NPFFR1: variants seen among roughly 807,000 people sequenced by gnomAD.
NPFFR1 encodes the protein G-protein coupled receptor 147.
In NPFFR1, 17 loss-of-function variants were observed where a neutral mutation model predicts 12.7. The observed-to-expected ratio is 1.34, with a 90% CI of 0.92 to 2.01. NPFFR1 has a LOEUF of 2.01. NPFFR1 is among the 30% of genes most tolerant of loss of function. NPFFR1 has a pLI of 0.00. For missense variants in NPFFR1, 604 were observed against 606.5 expected (o/e 1.00, Z 0.04); for synonymous variants, 296 against 264.5 (o/e 1.12, Z -1.16).
chr10:70,254,617 C>A lies in NPFFR1; in HGVS notation c.*340G>T. The A allele has an allele frequency of 3.8e-6, 1 of 263,782 alleles. No homozygotes were observed. The highest frequency in any genetic ancestry group is 7.1e-6 in the Non-Finnish European group (1 of 140,604). 16.3% of individuals were successfully genotyped at this position (263,782 alleles called of 1,614,324 possible). A position where few individuals can be genotyped will look rare whatever the true frequency, so the allele number is the denominator to read the frequency against. On this transcript the variant is annotated 3_prime_UTR_variant, in exon 4 of 4. Coordinates refer to ENST00000277942, the MANE Select transcript of NPFFR1 (RefSeq NM_022146.5). ...AGATAGCTTCACATGCCATTTCCAC[C>A]TGAGAAACTTGGGTGAGTCACATCT...
intron 1 of NPFFR1, among the ~76,000 whole-genome samples, chr10:70,271,349 C>T (rs1840741195): frequency 6.6e-6 from 1 of 151,840 alleles, no homozygotes; most frequent in African/African-American, 2.4e-5. Context: ...CCTGTTTCTA[C>T]AAAAAATTAA....
chr10:70,255,913 C>T lies in NPFFR1; in HGVS notation c.423-86G>A. ...GGTGGGTGGGATGCGGGCACCTGAC[C>T]TTCATCATCGCATCTAGGGCGGCGT... On this transcript the variant is annotated intron_variant, in intron 3 of 3. Coordinates refer to ENST00000277942, the MANE Select transcript of NPFFR1 (RefSeq NM_022146.5). This position sits in a 1 kb window ranked among gnomAD's most constrained non-coding sequence, Gnocchi z 4.2. 7.1e-7 allele frequency: 1 copy of T among 1,417,120 alleles called. No homozygotes were observed. Among genetic ancestry groups the T allele is most frequent in the East Asian group, 2.5e-5 (1 of 40,224 alleles). 87.8% of individuals were successfully genotyped at this position (1,417,120 alleles called of 1,614,324 possible).
rs1840516453 is a variant in NPFFR1 at position 70,251,987 on chromosome 10, C to A, written c.*2970G>T. The A allele has an allele frequency of 6.6e-6, 1 of 152,184 alleles. No homozygotes were observed. The highest frequency in any genetic ancestry group is 2.1e-4 in the South Asian group (1 of 4,822). 9.4% of individuals were successfully genotyped at this position (152,184 alleles called of 1,614,324 possible). A position where few individuals can be genotyped will look rare whatever the true frequency, so the allele number is the denominator to read the frequency against. The stretch of plus-strand genomic sequence containing the variant: ...TCCTGGAAGCCTCTGTTTTGTCAGC[C>A]ATAAAGGGTAAGTTGGGAGAGACCC... On this transcript the variant is annotated 3_prime_UTR_variant, in exon 4 of 4. Transcript: ENST00000277942.
intron 2 of NPFFR1, 117 bp from the exon 3 acceptor site, chr10:70,260,856 G>A (rs1840626178): frequency 2.5e-6 from 2 of 809,840 alleles, no homozygotes; most frequent in Non-Finnish European, 4.1e-6. Context: ...TGACCTGCTA[G>A]GTGTTATCTG....
chr10:70,255,069 G>A lies in NPFFR1; in HGVS notation c.1181C>T (p.Pro394Leu), dbSNP rs1840546974. Residue 394 changes from proline to leucine, a missense_variant, in exon 4 of 4, where the codon CCC becomes CTC. Physicochemically the swap from Pro to Leu is moderately conservative, Grantham distance 98. Coordinates refer to ENST00000277942, the MANE Select transcript of NPFFR1 (RefSeq NM_022146.5). This position sits in a 1 kb window ranked among gnomAD's most constrained non-coding sequence, Gnocchi z 4.2. The part of the protein sequence containing the change: ...PSESGPSSGA[P>L]RPGRLPLRNG... ...CCGCAGCGGGAGGCGGCCGGGCCTG[G>A]GGGCCCCACTGCTAGGGCCCGACTC... 1 of 1,441,856 alleles carries A rather than the reference G, an allele frequency of 6.9e-7. No individual in the cohort carries two copies. The highest frequency in any genetic ancestry group is 1.5e-5 in the South Asian group (1 of 67,454). The allele number at this position is 1,441,856 out of a possible 1,614,324, so 89.3% of individuals were successfully genotyped here.
chr10:70,256,546 G>A (rs892772959), intron 3 of NPFFR1, among the ~76,000 whole-genome samples: 1 of 152,352 alleles, frequency 6.6e-6, no homozygotes, highest in Non-Finnish European at 1.5e-5. Context: ...CTACATGTCA[G>A]GCTGTCCCTA....
At chr10:70,259,629 G>A (rs1157051383) in intron 3 of NPFFR1, among the ~76,000 whole-genome samples, 2 of 152,176 alleles carry the variant, frequency 1.3e-5, no homozygotes, top group East Asian at 3.8e-4. Context: ...AAAAAACTGG[G>A]CTTGAGGTGG....
At chr10:70,280,733 G>T (rs1278039513) in intron 1 of NPFFR1, among the ~76,000 whole-genome samples, 1 of 152,144 alleles carries the variant, frequency 6.6e-6, no homozygotes, top group Non-Finnish European at 1.5e-5. Flanking sequence ...GCTGGGCGTA[G>T]TGGCTCACAC....
At chr10:70,273,829 C>T (rs1364074571) in intron 1 of NPFFR1, among the ~76,000 whole-genome samples, 1 of 152,294 alleles carries the variant, frequency 6.6e-6, no homozygotes, top group African/African-American at 2.4e-5. Context: ...TTGCTTATAA[C>T]CCTAGTGTCT....
chr10:70,269,302 G>A (rs12217639), intron 1 of NPFFR1, among the ~76,000 whole-genome samples: 8,534 of 151,786 alleles, frequency 0.056, 253 homozygotes, highest in East Asian at 0.11. Context: ...GACTACAGCC[G>A]TGCGCCACCA....
chr10:70,281,356 C>A (rs528947528), intron 1 of NPFFR1, among the ~76,000 whole-genome samples: 1 of 152,254 alleles, frequency 6.6e-6, no homozygotes, highest in Non-Finnish European at 1.5e-5. Context: ...GTGTCCCCAG[C>A]AGGATAGAAC....
In NPFFR1 at chr10:70,255,807, G is replaced by C. The variant is rs942009378; in HGVS notation, c.443C>G (p.Pro148Arg). 1 of 1,609,778 alleles carries C rather than the reference G, an allele frequency of 6.2e-7. No homozygotes were observed. The highest frequency in any genetic ancestry group is 8.5e-7 in the Non-Finnish European group (1 of 1,178,208). The change falls in exon 4 of 4, where the codon CCT (proline) becomes CGT (arginine). Residue 148 changes from proline to arginine, a missense_variant. By Grantham distance (103) the Pro-to-Arg change is moderately radical. Transcript: ENST00000277942. The surrounding 1 kb of genome is among the most constrained non-coding windows in gnomAD (Gnocchi z 4.2). ...CCGCAGGGTCAGCTTCTCGCGGAAA[G>C]GGTGCACGATGCAGCGGAACCTGCC... ...AVERFRCIVH[P>R]FREKLTLRKA...
At chr10:70,259,158 C>T (rs1252074894) in intron 3 of NPFFR1, among the ~76,000 whole-genome samples, 2 of 151,964 alleles carry the variant, frequency 1.3e-5, no homozygotes, top group Non-Finnish European at 2.9e-5. Flanking sequence ...TGGTGGTGCG[C>T]ACCTGCAATC....
In NPFFR1 at chr10:70,260,628, G is replaced by A. The variant is rs1290527236; in HGVS notation, c.422+12C>T. 7 of 1,600,934 alleles carry A rather than the reference G, an allele frequency of 4.4e-6. No homozygotes were observed. The highest frequency in any genetic ancestry group is 4.5e-5 in the East Asian group (2 of 44,280). ...GTTGGCTCAGGCATAATCCAGCCAG[G>A]AAACCTCTCACCTTTCCACAGCAAT... On this transcript the variant is annotated intron_variant, in intron 3 of 3. Transcript: ENST00000277942.
chr10:70,283,626 G>C (rs867317279), intron 1 of NPFFR1, 44 bp downstream of exon 1: 2 of 1,522,376 alleles, frequency 1.3e-6, no homozygotes, highest in East Asian at 4.9e-5. Flanking sequence ...CCCCGGAGTC[G>C]GTACCCTGCC....
Position 70,247,481 on chromosome 10 carries a change from C to T in NPFFR1, c.*7476G>A, listed in dbSNP as rs1052466553. ...GACAGCACTATGGACAAACAAAATG[C>T]ACTACACAACATACTCCTCCTGGGG... On this transcript the variant is annotated 3_prime_UTR_variant, in exon 4 of 4. Coordinates refer to ENST00000277942, the MANE Select transcript of NPFFR1 (RefSeq NM_022146.5). 1 of 152,102 alleles carries T rather than the reference C, an allele frequency of 6.6e-6. No individual in the cohort carries two copies. The highest frequency in any genetic ancestry group is 2.1e-4 in the South Asian group (1 of 4,812). 9.4% of individuals were successfully genotyped at this position (152,102 alleles called of 1,614,324 possible). A position where few individuals can be genotyped will look rare whatever the true frequency, so the allele number is the denominator to read the frequency against.
chr10:70,248,859 C>T lies in NPFFR1; in HGVS notation c.*6098G>A, dbSNP rs1840481749. 1 of 152,112 alleles carries T rather than the reference C, an allele frequency of 6.6e-6. No individual in the cohort carries two copies. Among genetic ancestry groups the T allele is most frequent in the Admixed American group, 6.5e-5 (1 of 15,272 alleles). 9.4% of individuals were successfully genotyped at this position (152,112 alleles called of 1,614,324 possible). Reference sequence around the variant, plus strand: ...AAATTTAATTATTGAAATTCAATAGCATTTTGATATCTACTAATTCCTTTT... The same window carrying T: ...AAATTTAATTATTGAAATTCAATAGTATTTTGATATCTACTAATTCCTTTT... On this transcript the variant is annotated 3_prime_UTR_variant, in exon 4 of 4. Transcript: ENST00000277942.
At chr10:70,281,660 T>G (rs946907323) in intron 1 of NPFFR1, among the ~76,000 whole-genome samples, 21 of 151,340 alleles carry the variant, frequency 1.4e-4, no homozygotes, top group Non-Finnish European at 5.9e-5. Flanking sequence ...CAAAAACCTG[T>G]TTTTTTTTCT....
At chr10:70,271,933 A>C (rs1216320542) in intron 1 of NPFFR1, among the ~76,000 whole-genome samples, 3 of 151,990 alleles carry the variant, frequency 2.0e-5, no homozygotes, top group Non-Finnish European at 4.4e-5. Context: ...CCTGATCAAC[A>C]TGATGAAACC....
Sources: allele counts gnomAD v4.1 joint callset (sites outside exome capture counted in the v4.1 genomes callset), GRCh38; gene constraint gnomAD v4.1.1; non-coding constraint Gnocchi (gnomAD v3.1); transcripts MANE v1.5; gene names NCBI Gene and HGNC (gene_info 2026-07-23, HGNC 2026-07-21).